The following SLC13A1 variants were observed in gnomAD, a reference collection of about 807,000 sequenced individuals.
The protein encoded by SLC13A1 is Na(+)/sulfate cotransporter.
In SLC13A1, 65 loss-of-function variants were observed where a neutral mutation model predicts 70.0. The observed-to-expected ratio is 0.93, with a 90% confidence interval of 0.76 to 1.14. The LOEUF is 1.14. Among genes scored for constraint, SLC13A1 ranks in the 50% most tolerant of loss-of-function variants. The pLI is 0.00. For missense variants in SLC13A1, 726 were observed against 717.8 expected, an observed-to-expected ratio of 1.01 and a Z score of -0.13; for synonymous variants, 275 against 250.5, an observed-to-expected ratio of 1.10 and a Z score of -0.92.
rs1050468879 is a variant in SLC13A1 at position 123,115,317 on chromosome 7, C to T, written c.*201G>A. Reference sequence around the variant, plus strand: ...AAACATGGGCTTCTTGATGAAGGCACATAGATGCTCTTTAGTTGCACTGCA... The same window carrying T: ...AAACATGGGCTTCTTGATGAAGGCATATAGATGCTCTTTAGTTGCACTGCA... On this transcript the variant is annotated 3_prime_UTR_variant, in exon 15 of 15. Transcript: ENST00000194130. The T allele has an allele frequency of 4.7e-6, 2 of 421,784 alleles. No homozygotes were observed. Among genetic ancestry groups the T allele is most frequent in the Non-Finnish European group, 8.4e-6 (2 of 238,030 alleles). 26.1% of individuals were successfully genotyped at this position (421,784 alleles called of 1,614,324 possible). A position where few individuals can be genotyped will look rare whatever the true frequency, so the allele number is the denominator to read the frequency against.
chr7:123,170,007 TATAA>T (rs1464098687), intron 3 of SLC13A1, among the ~76,000 whole-genome samples: 1 of 152,036 alleles, frequency 6.6e-6, no homozygotes. Context: ...TGTCTTCTTT[TATAA>T]ATAGAGTAGT....
At chr7:123,192,173 T>C (rs1796017154) in intron 1 of SLC13A1, among the ~76,000 whole-genome samples, 1 of 152,166 alleles carries the variant, frequency 6.6e-6, no homozygotes, top group Non-Finnish European at 1.5e-5. Context: ...GGAACTAAAA[T>C]GTCCACCTGC....
chr7:123,190,664 A>T, intron 1 of SLC13A1: 2 of 456,636 alleles, frequency 4.4e-6, no homozygotes, highest in Admixed American at 4.7e-5. Context: ...ACATTAACCA[A>T]ATGAAAAAGG....
chr7:123,199,928 T>C lies in SLC13A1; in HGVS notation c.19A>G (p.Ile7Val), dbSNP rs762650824. The C allele has an allele frequency of 6.8e-6, 11 of 1,612,852 alleles. No individual in the cohort carries two copies. The highest frequency in any genetic ancestry group is 9.3e-6 in the Non-Finnish European group (11 of 1,179,232). The part of the protein sequence containing the change: MKFFSY[I>V]LVYRRFLFVV... ...AAGAGAAATCGGCGATAAACCAGAA[T>C]GTAACTGAAGAATTTCATTGTCCTG... The change falls in exon 1 of 15, where the codon ATT becomes GTT. Residue 7 changes from isoleucine (I) to valine (V), a missense_variant. Ile to Val is a conservative substitution (Grantham distance 29). Coordinates refer to ENST00000194130, the MANE Select transcript of SLC13A1 (RefSeq NM_022444.4).
At chr7:123,194,258 G>A (rs143688907) in intron 1 of SLC13A1, among the ~76,000 whole-genome samples, 1 of 152,202 alleles carries the variant, frequency 6.6e-6, no homozygotes, top group East Asian at 1.9e-4. Flanking sequence ...CAAGAAGGGT[G>A]AGGTAAGAGG....
intron 13 of SLC13A1, 91 bp from the exon 14 acceptor site, chr7:123,117,699 A>G (rs1219569912): frequency 2.8e-6 from 2 of 710,354 alleles, no homozygotes; most frequent in Admixed American, 5.6e-5. Flanking sequence ...AAGCCTTCCC[A>G]GAAGCATGTT....
At chr7:123,125,483 T>C (rs898213262) in intron 11 of SLC13A1, 86 bp downstream of exon 11, 12 of 924,608 alleles carry the variant, frequency 1.3e-5, no homozygotes, top group Non-Finnish European at 2.0e-5. Context: ...ACTTTCTTTC[T>C]GCTCTAGGTG....
rs1464737415 is a variant in SLC13A1, at chr7:123,117,512, C to T, written c.1609G>A (p.Ala537Thr). 2 of 1,613,276 alleles carry T rather than the reference C, an allele frequency of 1.2e-6. No individual in the cohort carries two copies. Among genetic ancestry groups the T allele is most frequent in the Admixed American group, 3.3e-5 (2 of 59,948 alleles). Residue 537 changes from alanine (A) to threonine (T), a missense_variant, in exon 14 of 15, where the codon GCT becomes ACT. Ala to Thr is a moderately conservative substitution (Grantham distance 58). Coordinates refer to ENST00000194130, the MANE Select transcript of SLC13A1 (RefSeq NM_022444.4). ...FLLPVANPPNAIVFSYGHLKV... is the reference protein window; with the variant it reads ...FLLPVANPPNTIVFSYGHLKV... The stretch of plus-strand genomic sequence containing the variant: ...AGATGACCATATGAAAAGACAATAG[C>T]ATTGGGTGGATTTGCTACTGGTAGG...
intron 12 of SLC13A1, among the ~76,000 whole-genome samples, chr7:123,121,957 T>G (rs1793395554): frequency 1.3e-5 from 2 of 152,146 alleles, no homozygotes; most frequent in Non-Finnish European, 2.9e-5. Flanking sequence ...CTGGGTATCC[T>G]GTAGACATTT....
At chr7:123,173,055 A>C (rs1421867991) in intron 2 of SLC13A1, among the ~76,000 whole-genome samples, 1 of 152,180 alleles carries the variant, frequency 6.6e-6, no homozygotes, top group Non-Finnish European at 1.5e-5. Context: ...GGCTAAACTG[A>C]AACACAAGGC....
At chr7:123,153,202 C>A (rs112457532) in intron 6 of SLC13A1, among the ~76,000 whole-genome samples, 2 of 152,090 alleles carry the variant, frequency 1.3e-5, no homozygotes, top group Non-Finnish European at 2.9e-5. Context: ...GTTTGCCATG[C>A]TTTATGCCTT....
chr7:123,191,793 G>T (rs770507228), intron 1 of SLC13A1, among the ~76,000 whole-genome samples: 1 of 152,068 alleles, frequency 6.6e-6, no homozygotes, highest in Non-Finnish European at 1.5e-5. Context: ...CACTGCTAGC[G>T]TGTGGTAGAG....
intron 1 of SLC13A1, among the ~76,000 whole-genome samples, chr7:123,192,107 T>C (rs1462289880): frequency 6.6e-6 from 1 of 152,096 alleles, no homozygotes; most frequent in Non-Finnish European, 1.5e-5. Flanking sequence ...CCCCAGTGGG[T>C]GAATGTGTTT....
chr7:123,182,869 A>C (rs1415605529), intron 1 of SLC13A1, among the ~76,000 whole-genome samples: 1 of 152,074 alleles, frequency 6.6e-6, no homozygotes, highest in African/African-American at 2.4e-5. Context: ...AAAGTCAGTG[A>C]CTTTTAGTTG....
chr7:123,128,378 A>T (rs1793635886), intron 10 of SLC13A1, among the ~76,000 whole-genome samples: 1 of 152,084 alleles, frequency 6.6e-6, no homozygotes, highest in Admixed American at 6.6e-5. Context: ...CAATAGGGAG[A>T]AGTCCAGCAC....
intron 6 of SLC13A1, among the ~76,000 whole-genome samples, chr7:123,160,784 G>C (rs1469895305): frequency 1.3e-5 from 2 of 151,884 alleles, no homozygotes; most frequent in Non-Finnish European, 2.9e-5. Context: ...TTTAAAAGTA[G>C]CTAAAAATCT....
At chr7:123,148,461 G>A (rs752061662) in intron 6 of SLC13A1, 22 of 452,362 alleles carry the variant, frequency 4.9e-5, no homozygotes, top group South Asian at 3.3e-4. Flanking sequence ...TAGTCCAAAT[G>A]TAAGTGTTTT....
At chr7:123,195,110 G>A (rs1258211457) in intron 1 of SLC13A1, among the ~76,000 whole-genome samples, 5 of 152,062 alleles carry the variant, frequency 3.3e-5, no homozygotes, top group Non-Finnish European at 5.9e-5. Context: ...AATTCATCTG[G>A]CACAACACTT....
Position 123,147,062 on chromosome 7 carries a change from C to T in SLC13A1, c.812+97G>A, listed in dbSNP as rs1459824528. 9 of 1,228,406 alleles carry T rather than the reference C, an allele frequency of 7.3e-6. No individual in the cohort carries two copies. The South Asian group carries it at 1.1e-4, about 14-fold the overall frequency. 76.1% of individuals were successfully genotyped at this position (1,228,406 alleles called of 1,614,324 possible). On this transcript the variant is annotated intron_variant, in intron 7 of 14. Transcript: ENST00000194130. Reference sequence around the variant, plus strand: ...GGGAAACAAGGGAGAGTTAACATAACATCTCTGTACTTGAATTCTCTGAAT... The same window carrying T: ...GGGAAACAAGGGAGAGTTAACATAATATCTCTGTACTTGAATTCTCTGAAT...
Sources: allele counts gnomAD v4.1 joint callset (sites outside exome capture counted in the v4.1 genomes callset), GRCh38; gene constraint gnomAD v4.1.1; transcripts MANE v1.5; gene names NCBI Gene and HGNC (gene_info 2026-07-23, HGNC 2026-07-21).